SSH2: variants seen among roughly 807,000 people sequenced by gnomAD.
The protein encoded by SSH2 is slingshot protein phosphatase 2, also known as protein phosphatase Slingshot homolog 2.
SSH2 carries 37 observed loss-of-function variants against 135.2 expected under a neutral mutation model. The ratio of observed to expected loss-of-function variants is 0.27; its 90% confidence interval spans 0.21 to 0.36. The LOEUF (loss-of-function observed/expected upper bound fraction) is 0.36. SSH2 is among the 10% of genes least tolerant of loss of function. The pLI, the probability that SSH2 is intolerant of heterozygous loss-of-function variation, is 1.00. For missense variants in SSH2, 1,408 were observed against 1,765.3 expected (o/e 0.80, Z 3.63); for synonymous variants, 628 against 646.2 (o/e 0.97, Z 0.43).
intron 1 of SSH2, among the ~76,000 whole-genome samples, chr17:29,887,995 G>T (rs1283832840): frequency 1.8e-4 from 28 of 152,142 alleles, no homozygotes. Flanking sequence ...CCAGCACTTT[G>T]GGAGGCCAAT....
At chr17:29,912,697 C>A (rs1417061083) in intron 1 of SSH2, among the ~76,000 whole-genome samples, 1 of 152,142 alleles carries the variant, frequency 6.6e-6, no homozygotes, top group Non-Finnish European at 1.5e-5. Context: ...TGCCACTACA[C>A]CCCAGCCTGG....
chr17:29,918,449 GCA>G (rs2066920048), intron 1 of SSH2, among the ~76,000 whole-genome samples: 1 of 152,092 alleles, frequency 6.6e-6, no homozygotes, highest in South Asian at 2.1e-4. Flanking sequence ...TCACAAATTT[GCA>G]CAGTCACTTT....
intron 1 of SSH2, among the ~76,000 whole-genome samples, chr17:29,912,379 T>A (rs556481000): frequency 1.3e-5 from 2 of 152,332 alleles, no homozygotes; most frequent in South Asian, 4.1e-4. Flanking sequence ...TTTGGTCTTC[T>A]GTTACTTACA....
At chr17:29,906,667 A>T (rs1004970859) in intron 1 of SSH2, among the ~76,000 whole-genome samples, 2 of 152,236 alleles carry the variant, frequency 1.3e-5, no homozygotes, top group Admixed American at 1.3e-4. Flanking sequence ...AATTTAAAAG[A>T]AAACAAACAA....
chr17:29,807,922 T>G (rs904483990), intron 2 of SSH2, among the ~76,000 whole-genome samples: 1 of 147,024 alleles, frequency 6.8e-6, no homozygotes, highest in African/African-American at 2.5e-5. Context: ...CCAGTGACAC[T>G]GCTAATTTAA....
intron 1 of SSH2, among the ~76,000 whole-genome samples, chr17:29,849,160 A>G (rs997210102): frequency 3.3e-5 from 5 of 152,238 alleles, no homozygotes; most frequent in Admixed American, 3.3e-4. Flanking sequence ...ATTTGGGGAA[A>G]GAGCCAGCAC....
At chr17:29,701,366 C>A (rs1321065709) in intron 4 of SSH2, among the ~76,000 whole-genome samples, 1 of 150,928 alleles carries the variant, frequency 6.6e-6, no homozygotes, top group Non-Finnish European at 1.5e-5. Flanking sequence ...CTCGGCCTCC[C>A]GAGGTGCTGG....
At chr17:29,735,111 T>C (rs2040322149) in intron 3 of SSH2, among the ~76,000 whole-genome samples, 1 of 152,124 alleles carries the variant, frequency 6.6e-6, no homozygotes, top group African/African-American at 2.4e-5. Flanking sequence ...AAAATTAATG[T>C]TCTACTCATA....
At chr17:29,776,489 C>G (rs1209341732) in intron 3 of SSH2, 1 of 152,168 alleles carries the variant, frequency 6.6e-6, no homozygotes, top group Non-Finnish European at 1.5e-5. Context: ...CATACAAAGG[C>G]CTACTTAATA....
Position 29,630,959 on chromosome 17 carries a change from G to A in SSH2, c.4235C>T (p.Pro1412Leu). Residue 1412 changes from proline to leucine, a missense_variant, in exon 16 of 16, where the codon CCA becomes CTA. Physicochemically the swap from Pro to Leu is moderately conservative, Grantham distance 98. Transcript: ENST00000540801. ...LQTQGLQCAC[P>L]APGLAVAPRQ... is the part of the protein sequence containing the mutation. Reference sequence around the variant, plus strand: ...GGGTGCCACGGCCAGCCCTGGAGCTGGGCATGCACACTGCAGTCCCTGGGT... The same window carrying A: ...GGGTGCCACGGCCAGCCCTGGAGCTAGGCATGCACACTGCAGTCCCTGGGT... 6.2e-7 allele frequency: 1 copy of A among 1,612,382 alleles called. No homozygotes were observed. The highest frequency in any genetic ancestry group is 8.5e-7 in the Non-Finnish European group (1 of 1,178,484).
intron 11 of SSH2, among the ~76,000 whole-genome samples, chr17:29,657,997 C>A (rs1000840848): frequency 6.6e-6 from 1 of 150,920 alleles, no homozygotes; most frequent in African/African-American, 2.4e-5. Context: ...GAATTCCCCA[C>A]AATCTGTATT....
Position 29,828,250 on chromosome 17 carries a change from G to A in SSH2, c.144+20599C>T, listed in dbSNP as rs186035594. ...CAAGAAACTTTTAATTTTTCCTTTC[G>A]TAGCACTTGGCAGCAAAACCCCCTT... On this transcript the variant is annotated intron_variant, in intron 2 of 15. Transcript: ENST00000540801. Among the ~76,000 whole-genome samples the A allele has an allele frequency of 2.2e-3, 330 of 152,198 alleles. 1 individual carries two copies. Among genetic ancestry groups the A allele is most frequent in the African/African-American group, 7.7e-3 (320 of 41,532 alleles).
chr17:29,920,271 A>T (rs2066953194), intron 1 of SSH2, among the ~76,000 whole-genome samples: 1 of 152,338 alleles, frequency 6.6e-6, no homozygotes. Flanking sequence ...GCGTGAGCAT[A>T]ATCTAGAAAC....
At chr17:29,718,063 C>T (rs776884209) in intron 3 of SSH2, among the ~76,000 whole-genome samples, 2 of 152,198 alleles carry the variant, frequency 1.3e-5, no homozygotes, top group Non-Finnish European at 2.9e-5. Flanking sequence ...ATTTGTAATT[C>T]ACTTTCCAAC....
chr17:29,696,777 C>G (rs943301282), intron 4 of SSH2, among the ~76,000 whole-genome samples: 1 of 150,638 alleles, frequency 6.6e-6, no homozygotes, highest in East Asian at 2.0e-4. Flanking sequence ...CTCCGCCTCC[C>G]AAGTTCACAT....
chr17:29,673,866 G>T, intron 8 of SSH2: 5 of 301,400 alleles, frequency 1.7e-5, no homozygotes, highest in Non-Finnish European at 2.0e-5. Context: ...ATTTTTAATG[G>T]TTGCATAATA....
chr17:29,917,079 C>G (rs2066895113), intron 1 of SSH2, among the ~76,000 whole-genome samples: 4 of 148,982 alleles, frequency 2.7e-5, no homozygotes, highest in African/African-American at 5.0e-5. Flanking sequence ...AGGAAAAGTA[C>G]AGAGGTGGGA....
chr17:29,812,884 G>A (rs1415028688), intron 2 of SSH2, among the ~76,000 whole-genome samples: 2 of 150,988 alleles, frequency 1.3e-5, no homozygotes, highest in Non-Finnish European at 1.5e-5. Flanking sequence ...GCAAGACTCC[G>A]TCACAAAAAC....
chr17:29,901,897 C>T (rs1465807025), intron 1 of SSH2, among the ~76,000 whole-genome samples: 1 of 152,080 alleles, frequency 6.6e-6, no homozygotes, highest in Non-Finnish European at 1.5e-5. Flanking sequence ...GATCCTCTCA[C>T]CTCAGCCTCT....
Sources: allele counts gnomAD v4.1 joint callset (sites outside exome capture counted in the v4.1 genomes callset), GRCh38; gene constraint gnomAD v4.1.1; transcripts MANE v1.5; gene names NCBI Gene and HGNC (gene_info 2026-07-23, HGNC 2026-07-21).